Variants in CMC1 observed in about 807,000 individuals in gnomAD.
The protein encoded by CMC1 is C-X9-C motif containing 1, also known as COX assembly mitochondrial protein homolog.
In CMC1, 14 loss-of-function variants were observed where a neutral mutation model predicts 14.1. That is an observed-to-expected ratio of 0.99 (90% CI 0.66 to 1.55). The LOEUF (loss-of-function observed/expected upper bound fraction) is 1.55. CMC1 is among the 40% of genes most tolerant of loss of function. CMC1 has a pLI of 0.00. For synonymous variants in CMC1, 50 were observed against 38.4 expected (o/e 1.30, Z -1.12); for missense variants, 127 against 123.8 (o/e 1.03, Z -0.12).
At chr3:28,305,929 T>G (rs553049983) in intron 2 of CMC1, among the ~76,000 whole-genome samples, 1 of 151,936 alleles carries the variant, frequency 6.6e-6, no homozygotes, top group Admixed American at 6.6e-5. Flanking sequence ...CCAGCACCAT[T>G]TATTGAATAA....
At chr3:28,316,143 C>T (rs1559448765) in intron 2 of CMC1, 190 bp from the exon 3 acceptor site, 1 of 399,020 alleles carries the variant, frequency 2.5e-6, no homozygotes, top group Non-Finnish European at 4.5e-6. Flanking sequence ...TTTTGTTGAG[C>T]ACGGTACCAT....
chr3:28,307,713 C>A (rs1018552060), intron 2 of CMC1, among the ~76,000 whole-genome samples: 4 of 152,094 alleles, frequency 2.6e-5, no homozygotes, highest in Non-Finnish European at 5.9e-5. Flanking sequence ...GCCAGTTTTT[C>A]CCCCCACTGT....
chr3:28,241,768 G>C lies in CMC1; in HGVS notation c.-26G>C. On this transcript the variant is annotated 5_prime_UTR_variant, in exon 1 of 4. Coordinates refer to ENST00000466830, the MANE Select transcript of CMC1 (RefSeq NM_182523.2). ...CCTGCGTGCCCCGGAGCCGCCAAGC[G>C]GCTACGTTCTTCTCGGCCCGCCGAG... 2.4e-6 allele frequency: 3 copies of C among 1,241,770 alleles called. No homozygotes were observed. Among genetic ancestry groups the C allele is most frequent in the African/African-American group, 1.5e-5 (1 of 64,548 alleles). 76.9% of individuals were successfully genotyped at this position (1,241,770 alleles called of 1,614,324 possible).
At chr3:28,248,951 G>A (rs1027192184) in intron 1 of CMC1, among the ~76,000 whole-genome samples, 4 of 151,988 alleles carry the variant, frequency 2.6e-5, no homozygotes, top group African/African-American at 4.8e-5. Context: ...CACCATGTCC[G>A]GCTAATTTTT....
chr3:28,310,384 A>G lies in CMC1; in HGVS notation c.110-5949A>G, dbSNP rs573712285. ...GTACTTTGAAAATGTTTGTTGAATG[A>G]ATGAGTGATATTTTATGAGCCCCTG... is the stretch of plus-strand genomic sequence containing the variant. On this transcript the variant is annotated intron_variant, in intron 2 of 3. Transcript: ENST00000466830. 3.3e-5 allele frequency among the ~76,000 whole-genome samples: 5 copies of G among 152,354 alleles called. No homozygotes were observed. The South Asian group carries it at 1.0e-3, about 32-fold the overall frequency.
chr3:28,270,362 T>G (rs181916533), intron 2 of CMC1, among the ~76,000 whole-genome samples: 36 of 152,336 alleles, frequency 2.4e-4, no homozygotes, highest in Middle Eastern at 3.4e-3. Flanking sequence ...TTGAACTAAT[T>G]TACATTCCCA....
intron 2 of CMC1, 27 bp downstream of exon 2, chr3:28,263,407 T>A: frequency 7.2e-7 from 1 of 1,398,156 alleles, no homozygotes; most frequent in Non-Finnish European, 9.9e-7. Context: ...CATGTAAAGA[T>A]CAAATTTATT....
At chr3:28,287,837 A>G (rs939402986) in intron 2 of CMC1, among the ~76,000 whole-genome samples, 1 of 151,862 alleles carries the variant, frequency 6.6e-6, no homozygotes, top group Non-Finnish European at 1.5e-5. Flanking sequence ...TTTATGTGTT[A>G]TTTTACACTC....
At chr3:28,313,839 G>C (rs542781895) in intron 2 of CMC1, among the ~76,000 whole-genome samples, 1 of 152,290 alleles carries the variant, frequency 6.6e-6, no homozygotes, top group Admixed American at 6.5e-5. Flanking sequence ...TAAAATATTG[G>C]GTTTGTTAAA....
rs1163940368 is a variant in CMC1 at position 28,323,221 on chromosome 3, C to CATTT, written c.*3595_*3598dup. ...GAAAATGACTTTTTATCATTACACA[C>CATTT]ATTTATGTTTATATTATGGCCCACA... On this transcript the variant is annotated 3_prime_UTR_variant, in exon 4 of 4. Coordinates refer to ENST00000466830, the MANE Select transcript of CMC1 (RefSeq NM_182523.2). The CATTT allele has an allele frequency of 6.6e-6, 1 of 151,128 alleles. No homozygotes were observed. The highest frequency in any genetic ancestry group is 2.4e-5 in the African/African-American group (1 of 41,302). The allele number at this position is 151,128 out of a possible 1,614,324, so 9.4% of individuals were successfully genotyped here.
At chr3:28,268,001 G>A (rs1315444878) in intron 2 of CMC1, among the ~76,000 whole-genome samples, 2 of 152,314 alleles carry the variant, frequency 1.3e-5, no homozygotes, top group African/African-American at 4.8e-5. Flanking sequence ...AACTAATGCT[G>A]AAGTGGATAT....
chr3:28,274,538 C>T (rs1310400835), intron 2 of CMC1, among the ~76,000 whole-genome samples: 5 of 151,940 alleles, frequency 3.3e-5, no homozygotes, highest in Non-Finnish European at 4.4e-5. Context: ...TCTGGCTGCT[C>T]GTAATATTTT....
At chr3:28,300,957 A>G (rs1456684252) in intron 2 of CMC1, among the ~76,000 whole-genome samples, 1 of 134,442 alleles carries the variant, frequency 7.4e-6, no homozygotes, top group Non-Finnish European at 1.6e-5. Flanking sequence ...AAACACAGAA[A>G]TGATAACGTT....
intron 2 of CMC1, among the ~76,000 whole-genome samples, chr3:28,307,667 CTTCTAA>C (rs141160361): frequency 0.015 from 2,227 of 152,308 alleles, 53 homozygotes; most frequent in African/African-American, 0.05. Flanking sequence ...TCTTTGCATT[CTTCTAA>C]TTCATCTAAT....
At chr3:28,301,707 T>C (rs1394541639) in intron 2 of CMC1, among the ~76,000 whole-genome samples, 3 of 152,248 alleles carry the variant, frequency 2.0e-5, no homozygotes, top group South Asian at 2.1e-4. Flanking sequence ...CAAATGAGCG[T>C]ACTATAAAGT....
chr3:28,244,548 T>G (rs1448699011), intron 1 of CMC1, among the ~76,000 whole-genome samples: 1 of 152,028 alleles, frequency 6.6e-6, no homozygotes, highest in Non-Finnish European at 1.5e-5. Context: ...GGCAACATGG[T>G]GAAAATCCAT....
intron 2 of CMC1, among the ~76,000 whole-genome samples, chr3:28,272,976 C>G (rs539338183): frequency 7.2e-5 from 11 of 152,140 alleles, no homozygotes; most frequent in Non-Finnish European, 1.3e-4. Context: ...TGAGCCACCA[C>G]GCCCAGCCTT....
At chr3:28,276,920 A>T (rs962489206) in intron 2 of CMC1, among the ~76,000 whole-genome samples, 1 of 152,188 alleles carries the variant, frequency 6.6e-6, no homozygotes, top group East Asian at 1.9e-4. Flanking sequence ...CAAAAGAGAT[A>T]AAAGCAGTTT....
At chr3:28,318,060 C>G (rs1279814620) in intron 3 of CMC1, 2 of 151,736 alleles carry the variant, frequency 1.3e-5, no homozygotes, top group African/African-American at 4.8e-5. Context: ...TTGTACTTGA[C>G]TTTGAGTCCC....
Sources: allele counts gnomAD v4.1 joint callset (sites outside exome capture counted in the v4.1 genomes callset), GRCh38; gene constraint gnomAD v4.1.1; transcripts MANE v1.5; gene names NCBI Gene and HGNC (gene_info 2026-07-23, HGNC 2026-07-21).